BLK: variants seen among roughly 807,000 people sequenced by gnomAD.
BLK encodes BLK proto-oncogene, Src family tyrosine kinase, also known as tyrosine-protein kinase Blk.
BLK carries 64 observed loss-of-function variants against 61.8 expected under a neutral mutation model. The observed-to-expected ratio is 1.03, with a 90% CI of 0.85 to 1.27. BLK has a LOEUF of 1.27. BLK is among the 50% of genes most tolerant of loss of function. The pLI, the probability that BLK is intolerant of heterozygous loss-of-function variation, is 0.00. For synonymous variants in BLK, 351 were observed against 272.0 expected, an observed-to-expected ratio of 1.29 and a Z score of -2.86; for missense variants, 853 against 660.5, an observed-to-expected ratio of 1.29 and a Z score of -3.19.
chr8:11,526,598 C>A (rs1018303467), intron 1 of BLK, among the ~76,000 whole-genome samples: 3 of 152,092 alleles, frequency 2.0e-5, no homozygotes, highest in African/African-American at 7.2e-5. Context: ...ACATGCCTGT[C>A]GTCCCAGCTA....
At chr8:11,499,193 A>G (rs1224493540) in intron 1 of BLK, among the ~76,000 whole-genome samples, 1 of 152,126 alleles carries the variant, frequency 6.6e-6, no homozygotes, top group Non-Finnish European at 1.5e-5. Context: ...AATATTCACC[A>G]CTGTGTTACT....
chr8:11,524,782 C>T (rs548207279), intron 1 of BLK, among the ~76,000 whole-genome samples: 2 of 152,256 alleles, frequency 1.3e-5, no homozygotes, highest in East Asian at 1.9e-4. Flanking sequence ...TTAAACCTCA[C>T]GATCAGATGC....
Position 11,555,356 on chromosome 8 carries a change from G to A in BLK, c.644G>A (p.Arg215Lys), listed in dbSNP as rs752889602. Reference sequence around the variant, plus strand: ...GAGAAGGGGGATGGTCTATGCCAGAGGCTGACCCTGCCCTGTGTGCGCCCG... The same window carrying A: ...GAGAAGGGGGATGGTCTATGCCAGAAGCTGACCCTGCCCTGTGTGCGCCCG... ...YSKKGDGLCQRLTLPCVRPAP... is the reference protein window; with the variant it reads ...YSKKGDGLCQKLTLPCVRPAP... Residue 215 changes from arginine to lysine, a missense_variant, in exon 8 of 13, where the codon AGG becomes AAG. Transcript: ENST00000259089. 7.4e-6 allele frequency: 12 copies of A among 1,613,998 alleles called. No homozygotes were observed. The Admixed American group carries it at 8.3e-5, about 11-fold the overall frequency.
At chr8:11,559,807 C>T (rs1801406613) in intron 10 of BLK, 5 of 456,102 alleles carry the variant, frequency 1.1e-5, no homozygotes, top group Non-Finnish European at 2.2e-5. Context: ...TATCATCATC[C>T]ATGGCTCAAG....
chr8:11,498,201 G>A (rs1354455125), intron 1 of BLK, among the ~76,000 whole-genome samples: 1 of 152,240 alleles, frequency 6.6e-6, no homozygotes, highest in Admixed American at 6.5e-5. Flanking sequence ...GATGCAAAAT[G>A]TAAGGAGGCT....
At position 11,555,386 on chromosome 8, in the gene BLK, C is replaced by T. The variant is rs144592409; in HGVS notation, c.674C>T (p.Pro225Leu). ...RLTLPCVRPAPQNPWAQDEWE... is the reference protein window; with the variant it reads ...RLTLPCVRPALQNPWAQDEWE... ...ACCCTGCCCTGTGTGCGCCCGGCCC[C>T]GCAGAATCCCTGGGCCCAGGATGAA... The change falls in exon 8 of 13, where the codon CCG (proline) becomes CTG (leucine). Residue 225 changes from proline (P) to leucine (L), a missense_variant. Coordinates refer to ENST00000259089, the MANE Select transcript of BLK (RefSeq NM_001715.3). 4.0e-4 allele frequency: 642 copies of T among 1,614,150 alleles called. No individual in the cohort carries two copies. In the African/African-American group the frequency reaches 7.2e-3, roughly 18 times the overall value.
chr8:11,559,950 A>G (rs1186737568), intron 10 of BLK: 6 of 397,144 alleles, frequency 1.5e-5, no homozygotes, highest in Non-Finnish European at 3.0e-5. Context: ...TCTGGGCCCT[A>G]CTCAACATTT....
chr8:11,536,336 G>T (rs1371312952), intron 1 of BLK, among the ~76,000 whole-genome samples: 2 of 152,152 alleles, frequency 1.3e-5, no homozygotes, highest in Non-Finnish European at 2.9e-5. Context: ...CAATTTTAAA[G>T]ATAATTATTG....
intron 1 of BLK, among the ~76,000 whole-genome samples, chr8:11,508,514 G>A (rs559650300): frequency 1.0e-3 from 156 of 152,214 alleles, no homozygotes; most frequent in African/African-American, 3.5e-3. Flanking sequence ...TCCTGTCCAC[G>A]CAGTAGCTCC....
intron 7 of BLK, 91 bp downstream of exon 7, chr8:11,554,980 C>A: frequency 6.5e-7 from 1 of 1,531,532 alleles, no homozygotes; most frequent in South Asian, 1.2e-5. Flanking sequence ...TCATTGGTGC[C>A]ACCTTGGGGG....
In BLK at chr8:11,564,146, G is replaced by A. The variant is rs1801619640; in HGVS notation, c.*38G>A. 1.3e-6 allele frequency: 2 copies of A among 1,533,550 alleles called. No homozygotes were observed. Among genetic ancestry groups the A allele is most frequent in the Non-Finnish European group, 1.7e-6 (2 of 1,144,426 alleles). 95.0% of individuals were successfully genotyped at this position (1,533,550 alleles called of 1,614,324 possible). ...GCCTGCGCCCCGTGCCCACCTCTGC[G>A]CGGACGACCCCGACTTCCGTGCCAT... On this transcript the variant is annotated 3_prime_UTR_variant, in exon 13 of 13. Transcript: ENST00000259089.
intron 10 of BLK, 108 bp from the exon 11 acceptor site, chr8:11,561,194 C>A (rs1424709074): frequency 5.5e-6 from 8 of 1,461,932 alleles, no homozygotes; most frequent in Non-Finnish European, 7.5e-6. Flanking sequence ...ATCCAAGAAA[C>A]AGCTCCTTCC....
chr8:11,540,561 A>ACAT (rs1800328475), intron 1 of BLK, among the ~76,000 whole-genome samples: 1 of 152,218 alleles, frequency 6.6e-6, no homozygotes, highest in Non-Finnish European at 1.5e-5. Flanking sequence ...AACAAGAAAA[A>ACAT]CATCACAATC....
At chr8:11,534,784 G>A (rs1252476556) in intron 1 of BLK, among the ~76,000 whole-genome samples, 1 of 152,180 alleles carries the variant, frequency 6.6e-6, no homozygotes, top group East Asian at 1.9e-4. Context: ...CGTGCCCAAG[G>A]CCCTTACACA....
At position 11,554,826 on chromosome 8, in the gene BLK, G is replaced by A. The variant is rs1563119336; in HGVS notation, c.556G>A (p.Gly186Ser). The A allele has an allele frequency of 4.3e-6, 7 of 1,613,890 alleles. No individual in the cohort carries two copies. The highest frequency in any genetic ancestry group is 5.9e-6 in the Non-Finnish European group (7 of 1,179,998). Residue 186 changes from glycine to serine, a missense_variant, in exon 7 of 13, where the codon GGC (glycine) becomes AGC (serine). By Grantham distance (56) the Gly-to-Ser change is moderately conservative. Transcript: ENST00000259089. ...TAAGATCCGCTGCCTGGATGAAGGG[G>A]GCTACTACATCTCCCCCCGGATCAC... Reference protein sequence around the residue: ...HYKIRCLDEGGYYISPRITFP... With the variant: ...HYKIRCLDEGSYYISPRITFP...
rs561385917 is a variant in BLK, at chr8:11,521,803, G to A, written c.-1-21421G>A. Reference sequence around the variant, plus strand: ...GTTCTATTTTTACACTCCCTGGTCCGTTCCATCTTCATTACTGCAGCTTTT... The same window carrying A: ...GTTCTATTTTTACACTCCCTGGTCCATTCCATCTTCATTACTGCAGCTTTT... On this transcript the variant is annotated intron_variant, in intron 1 of 12. Coordinates refer to ENST00000259089, the MANE Select transcript of BLK (RefSeq NM_001715.3). 4.6e-5 allele frequency among the ~76,000 whole-genome samples: 7 copies of A among 152,240 alleles called. No individual in the cohort carries two copies. In the South Asian group the frequency reaches 8.3e-4, roughly 18 times the overall value.
intron 1 of BLK, among the ~76,000 whole-genome samples, chr8:11,503,049 G>A (rs1216931548): frequency 6.6e-6 from 1 of 152,156 alleles, no homozygotes; most frequent in Non-Finnish European, 1.5e-5. Flanking sequence ...TCTACTCTCT[G>A]CTGGCCTCTT....
At chr8:11,514,409 A>C (rs1799142442) in intron 1 of BLK, among the ~76,000 whole-genome samples, 1 of 152,262 alleles carries the variant, frequency 6.6e-6, no homozygotes, top group African/African-American at 2.4e-5. Context: ...GGCTACAGGC[A>C]AGAGCCCCGC....
intron 3 of BLK, among the ~76,000 whole-genome samples, 167 bp downstream of exon 3, chr8:11,546,270 G>A (rs1420699147): frequency 6.6e-6 from 1 of 152,168 alleles, no homozygotes; most frequent in African/African-American, 2.4e-5. Context: ...CGTCTCTTCA[G>A]GAACCAAGAA....
Sources: allele counts gnomAD v4.1 joint callset (sites outside exome capture counted in the v4.1 genomes callset), GRCh38; gene constraint gnomAD v4.1.1; transcripts MANE v1.5; gene names NCBI Gene and HGNC (gene_info 2026-07-23, HGNC 2026-07-21).